GFRA1: variants seen among roughly 807,000 people sequenced by gnomAD.
GFRA1 encodes GDNF family receptor alpha-1.
A neutral mutation model predicts 51.6 loss-of-function variants in GFRA1; 16 were observed. The ratio of observed to expected loss-of-function variants is 0.31; its 90% CI spans 0.21 to 0.47. The LOEUF is 0.47. Ranked by LOEUF, GFRA1 falls within the 20% of genes least tolerant of loss-of-function variation. The pLI, the probability that GFRA1 is intolerant of heterozygous loss-of-function variation, is 1.00. For missense variants in GFRA1, 530 were observed against 594.3 expected (o/e 0.89, Z 1.13); for synonymous variants, 270 against 241.3 (o/e 1.12, Z -1.10).
At chr10:116,265,999 T>C (rs1231944533) in intron 4 of GFRA1, among the ~76,000 whole-genome samples, 1 of 152,172 alleles carries the variant, frequency 6.6e-6, no homozygotes. Context: ...GTTTCCCTTC[T>C]GCATTTCAAG....
intron 5 of GFRA1, among the ~76,000 whole-genome samples, chr10:116,205,536 C>A (rs1410116683): frequency 2.0e-5 from 3 of 150,874 alleles, no homozygotes; most frequent in African/African-American, 7.3e-5. Context: ...GAACGCACCA[C>A]TGCACTCTAG....
At chr10:116,209,970 G>A (rs190410040) in intron 5 of GFRA1, among the ~76,000 whole-genome samples, 10 of 152,200 alleles carry the variant, frequency 6.6e-5, no homozygotes, top group African/African-American at 2.2e-4. Flanking sequence ...GGGAGCGGCC[G>A]CCCACTGACA....
Position 116,233,942 on chromosome 10 carries a change from G to C in GFRA1, c.419-22297C>G, listed in dbSNP as rs372924503. The stretch of plus-strand genomic sequence containing the variant: ...ACTATAATTGATGCTTCTTGCCAGG[G>C]ATATCGGGAACAGGCAGCTGCAAAT... On this transcript the variant is annotated intron_variant, in intron 4 of 10. Coordinates refer to ENST00000355422, the MANE Select transcript of GFRA1 (RefSeq NM_005264.8). 1.1e-4 allele frequency among the ~76,000 whole-genome samples: 17 copies of C among 152,214 alleles called. No individual in the cohort carries two copies. In the East Asian group the frequency reaches 1.9e-3, roughly 17 times the overall value.
intron 4 of GFRA1, among the ~76,000 whole-genome samples, chr10:116,237,610 GCT>G (rs1020693036): frequency 7.5e-5 from 11 of 147,364 alleles, no homozygotes; most frequent in African/African-American, 2.5e-4. Flanking sequence ...GAACGACTCT[GCT>G]CTCTTTCTTC....
At chr10:116,115,775 A>T (rs1466889113) in intron 6 of GFRA1, among the ~76,000 whole-genome samples, 1 of 152,158 alleles carries the variant, frequency 6.6e-6, no homozygotes, top group Non-Finnish European at 1.5e-5. Context: ...CATGAAATTT[A>T]TCCAGTTGGG....
intron 5 of GFRA1, among the ~76,000 whole-genome samples, chr10:116,152,559 C>G (rs4562723): frequency 0.72 from 110,166 of 152,062 alleles, 40,751 homozygotes; most frequent in East Asian, 0.8. Flanking sequence ...ATCACCAATG[C>G]GATGGTGTTA....
chr10:116,250,162 T>C (rs1968211223), intron 4 of GFRA1, among the ~76,000 whole-genome samples: 2 of 152,180 alleles, frequency 1.3e-5, no homozygotes, highest in African/African-American at 4.8e-5. Context: ...TGGGGCTTGA[T>C]GAGGCCAGAA....
chr10:116,223,910 A>G (rs1375559891), intron 4 of GFRA1, among the ~76,000 whole-genome samples: 1 of 152,182 alleles, frequency 6.6e-6, no homozygotes, highest in African/African-American at 2.4e-5. Context: ...CATCTTACAG[A>G]GCTTAAAAAA....
At chr10:116,231,280 G>A (rs1966662023) in intron 4 of GFRA1, among the ~76,000 whole-genome samples, 2 of 152,066 alleles carry the variant, frequency 1.3e-5, no homozygotes, top group African/African-American at 4.8e-5. Context: ...GACGACCTAG[G>A]TTTCTAGGCT....
At chr10:116,171,520 G>A (rs1300964027) in intron 5 of GFRA1, among the ~76,000 whole-genome samples, 14 of 152,058 alleles carry the variant, frequency 9.2e-5, no homozygotes, top group Admixed American at 8.5e-4. Context: ...GAAAATGGAT[G>A]CCTAGACTGA....
chr10:116,180,105 T>C (rs1289279240), intron 5 of GFRA1, among the ~76,000 whole-genome samples: 1 of 152,210 alleles, frequency 6.6e-6, no homozygotes, highest in Non-Finnish European at 1.5e-5. Context: ...AAATATTTCT[T>C]TCTGAACAAA....
chr10:116,189,372 CCT>C lies in GFRA1; in HGVS notation c.433+22257_433+22258del, dbSNP rs1473357540. 2.6e-5 allele frequency among the ~76,000 whole-genome samples: 4 copies of C among 152,124 alleles called. 1 individual carries two copies. The highest frequency in any genetic ancestry group is 9.7e-5 in the African/African-American group (4 of 41,412). On this transcript the variant is annotated intron_variant, in intron 5 of 10. Coordinates refer to ENST00000355422, the MANE Select transcript of GFRA1 (RefSeq NM_005264.8). The stretch of plus-strand genomic sequence containing the variant: ...CCTGTTTACCCAAGGAGTAACGTCC[CCT>C]GAGCCCCAGCATGCTCTTTGGTGTA...
At chr10:116,182,662 G>T (rs1157033883) in intron 5 of GFRA1, among the ~76,000 whole-genome samples, 1 of 152,208 alleles carries the variant, frequency 6.6e-6, no homozygotes, top group African/African-American at 2.4e-5. Flanking sequence ...TCTGCTTCAT[G>T]TCAGATTTCT....
At chr10:116,172,573 G>T (rs1236934193) in intron 5 of GFRA1, among the ~76,000 whole-genome samples, 1 of 152,152 alleles carries the variant, frequency 6.6e-6, no homozygotes, top group African/African-American at 2.4e-5. Context: ...AATGGGTTGG[G>T]GGGCAGAGGG....
intron 5 of GFRA1, among the ~76,000 whole-genome samples, chr10:116,133,702 G>C (rs1419563812): frequency 1.3e-5 from 2 of 152,242 alleles, no homozygotes; most frequent in African/African-American, 2.4e-5. Flanking sequence ...CCCAGCCAGA[G>C]GGTCTATGCA....
intron 4 of GFRA1, among the ~76,000 whole-genome samples, chr10:116,242,189 T>C (rs1384365757): frequency 6.6e-6 from 1 of 152,176 alleles, no homozygotes; most frequent in Non-Finnish European, 1.5e-5. Flanking sequence ...ACCCTGTGCG[T>C]TGGCAATTGA....
At chr10:116,094,279 C>T (rs1021547537) in intron 7 of GFRA1, among the ~76,000 whole-genome samples, 4 of 152,154 alleles carry the variant, frequency 2.6e-5, no homozygotes, top group African/African-American at 9.7e-5. Context: ...TTTAGAGTGA[C>T]ATAGGGAAGC....
intron 5 of GFRA1, among the ~76,000 whole-genome samples, chr10:116,165,689 T>A (rs12267120): frequency 1.5e-4 from 10 of 65,774 alleles, no homozygotes; most frequent in Middle Eastern, 7.6e-3. Flanking sequence ...ACACACACAC[T>A]CACAAGAGAG....
At chr10:116,102,030 T>G (rs2133932266) in intron 6 of GFRA1, among the ~76,000 whole-genome samples, 1 of 152,260 alleles carries the variant, frequency 6.6e-6, no homozygotes, top group African/African-American at 2.4e-5. Flanking sequence ...GACTTGGTTT[T>G]CTTCGAGTCT....
Sources: gnomAD v4.1 joint callset for allele counts (sites outside exome capture counted in the v4.1 genomes callset) on GRCh38, gnomAD v4.1.1 for gene constraint, MANE v1.5 for transcripts, NCBI Gene and HGNC (gene_info 2026-07-23, HGNC 2026-07-21) for gene names.